TAFA5: variants seen among roughly 807,000 people sequenced by gnomAD.
TAFA5 encodes the protein TAFA chemokine like family member 5.
A neutral mutation model predicts 15.3 loss-of-function variants in TAFA5; 6 were observed. That is an observed-to-expected ratio of 0.39 (90% CI 0.21 to 0.77). The LOEUF is 0.77. Ranked by LOEUF, TAFA5 falls within the 30% of genes least tolerant of loss-of-function variation. The pLI is 0.41. For synonymous variants in TAFA5, 103 were observed against 80.7 expected, an observed-to-expected ratio of 1.28 and a Z score of -1.48; for missense variants, 161 against 193.1, an observed-to-expected ratio of 0.83 and a Z score of 0.98.
chr22:48,693,032 T>G (rs926570005), intron 2 of TAFA5, among the ~76,000 whole-genome samples: 2 of 152,204 alleles, frequency 1.3e-5, no homozygotes, highest in Admixed American at 6.5e-5. Context: ...TCAGCAGAAC[T>G]CAGCAGCGTG....
intron 1 of TAFA5, among the ~76,000 whole-genome samples, chr22:48,501,389 G>A (rs1484097461): frequency 6.6e-6 from 1 of 152,348 alleles, no homozygotes; most frequent in East Asian, 1.9e-4. Flanking sequence ...GCGTCTGGGC[G>A]TTCTGTCCTG....
At chr22:48,676,226 A>G (rs964254315) in intron 2 of TAFA5, among the ~76,000 whole-genome samples, 1 of 152,224 alleles carries the variant, frequency 6.6e-6, no homozygotes, top group African/African-American at 2.4e-5. Flanking sequence ...CGTCCACCTC[A>G]TGGTCTTGGC....
chr22:48,737,683 G>A (rs958019622), intron 3 of TAFA5, among the ~76,000 whole-genome samples: 3 of 152,214 alleles, frequency 2.0e-5, no homozygotes, highest in African/African-American at 7.2e-5. Flanking sequence ...CCGAGAGGTG[G>A]GCAGTTCCCA....
At chr22:48,743,342 CTCTG>C (rs1930236519) in intron 3 of TAFA5, among the ~76,000 whole-genome samples, 1 of 152,250 alleles carries the variant, frequency 6.6e-6, no homozygotes, top group Admixed American at 6.5e-5. Flanking sequence ...CCGCCTCTGT[CTCTG>C]TCTGCATGGG....
At chr22:48,581,837 C>T (rs929742685) in intron 1 of TAFA5, among the ~76,000 whole-genome samples, 7 of 152,126 alleles carry the variant, frequency 4.6e-5, no homozygotes, top group Non-Finnish European at 7.4e-5. Flanking sequence ...GAGCAGCGCA[C>T]GCAGGCAGTG....
intron 3 of TAFA5, among the ~76,000 whole-genome samples, chr22:48,719,520 C>T (rs542752371): frequency 1.3e-5 from 2 of 152,332 alleles, no homozygotes; most frequent in South Asian, 4.1e-4. Flanking sequence ...ACATTCCCTA[C>T]CCTCTCACCA....
chr22:48,596,752 T>C (rs1207191232), intron 1 of TAFA5, among the ~76,000 whole-genome samples: 2 of 152,198 alleles, frequency 1.3e-5, no homozygotes, highest in African/African-American at 4.8e-5. Flanking sequence ...GATCGTAGCA[T>C]ACAGAGGGGC....
chr22:48,579,129 TC>T (rs201378759), intron 1 of TAFA5, among the ~76,000 whole-genome samples: 5,308 of 80,698 alleles, frequency 0.066, 277 homozygotes, highest in African/African-American at 0.15. Context: ...GGCTAATCCG[TC>T]CCCCCCTGGC....
At chr22:48,601,446 C>A (rs1924970165) in intron 1 of TAFA5, among the ~76,000 whole-genome samples, 1 of 152,174 alleles carries the variant, frequency 6.6e-6, no homozygotes, top group Non-Finnish European at 1.5e-5. Flanking sequence ...CCTGCTTCAG[C>A]CTCCAGAGTA....
intron 1 of TAFA5, among the ~76,000 whole-genome samples, chr22:48,511,887 C>T (rs1921226602): frequency 6.6e-6 from 1 of 152,250 alleles, no homozygotes; most frequent in Admixed American, 6.5e-5. Flanking sequence ...GTCAGGCGGG[C>T]TCCCGGAAAG....
chr22:48,706,464 T>C (rs1929081798), intron 2 of TAFA5, among the ~76,000 whole-genome samples: 1 of 152,224 alleles, frequency 6.6e-6, no homozygotes, highest in Non-Finnish European at 1.5e-5. Context: ...GTGGGGTGCC[T>C]GGCTCTCACC....
intron 2 of TAFA5, among the ~76,000 whole-genome samples, chr22:48,650,582 A>G (rs1282059477): frequency 6.6e-6 from 1 of 152,252 alleles, no homozygotes; most frequent in South Asian, 2.1e-4. Context: ...AGAGGGGGCC[A>G]GTGGTTAGAG....
intron 1 of TAFA5, among the ~76,000 whole-genome samples, chr22:48,599,203 G>A (rs532019533): frequency 5.3e-4 from 80 of 152,270 alleles, no homozygotes; most frequent in African/African-American, 1.7e-3. Flanking sequence ...GCCCCTTTCT[G>A]GAGTTGGGGA....
chr22:48,721,202 G>A (rs1438228385), intron 3 of TAFA5, among the ~76,000 whole-genome samples: 1 of 152,200 alleles, frequency 6.6e-6, no homozygotes, highest in African/African-American at 2.4e-5. Context: ...TTAGACACTG[G>A]AGTCTTCCCC....
rs139373905 is a variant in TAFA5, at chr22:48,599,406, G to A, written c.113-47191G>A. 7.2e-5 allele frequency among the ~76,000 whole-genome samples: 11 copies of A among 152,340 alleles called. No individual in the cohort carries two copies. In the East Asian group the frequency reaches 1.2e-3, roughly 16 times the overall value. ...AACGTGTTCGTTACTGCTTCGCATC[G>A]TTTGGGCCATTGGGTGCCATGGGCA... On this transcript the variant is annotated intron_variant, in intron 1 of 3. Transcript: ENST00000402357.
intron 2 of TAFA5, among the ~76,000 whole-genome samples, chr22:48,651,746 G>A (rs761884179): frequency 1.3e-5 from 2 of 152,204 alleles, no homozygotes; most frequent in African/African-American, 2.4e-5. Context: ...GGGGCACCAC[G>A]AGGGGGATCT....
At chr22:48,725,434 C>T (rs1419614355) in intron 3 of TAFA5, among the ~76,000 whole-genome samples, 1 of 152,140 alleles carries the variant, frequency 6.6e-6, no homozygotes, top group Non-Finnish European at 1.5e-5. Flanking sequence ...GAAAATAGAT[C>T]TCTGCAGTAA....
intron 3 of TAFA5, among the ~76,000 whole-genome samples, chr22:48,734,720 A>G (rs1193338019): frequency 6.6e-6 from 1 of 152,248 alleles, no homozygotes; most frequent in Non-Finnish European, 1.5e-5. Flanking sequence ...AGGCCAAGTG[A>G]ACAGCCCCGT....
chr22:48,560,157 G>A lies in TAFA5; in HGVS notation c.112+70453G>A, dbSNP rs1338808045. 2.0e-5 allele frequency among the ~76,000 whole-genome samples: 3 copies of A among 152,254 alleles called. No individual in the cohort carries two copies. Among genetic ancestry groups the A allele is most frequent in the Non-Finnish European group, 4.4e-5 (3 of 68,044 alleles). ...AGCCGAGTCCTTGTAGGGGAGGAGC[G>A]TCACTGCTCTCAGCAGGGGACCGTT... On this transcript the variant is annotated intron_variant, in intron 1 of 3. Transcript: ENST00000402357. The surrounding 1 kb of genome is among the most constrained non-coding windows in gnomAD (Gnocchi z 4.2).
Sources: allele counts gnomAD v4.1 joint callset (sites outside exome capture counted in the v4.1 genomes callset), GRCh38; gene constraint gnomAD v4.1.1; non-coding constraint Gnocchi (gnomAD v3.1); transcripts MANE v1.5; gene names NCBI Gene and HGNC (gene_info 2026-07-23, HGNC 2026-07-21).